Variants in DPYSL2 observed in about 807,000 individuals in gnomAD.
The protein encoded by DPYSL2 is dihydropyrimidinase like 2.
In DPYSL2, 13 loss-of-function variants were observed where a neutral mutation model predicts 69.9. The ratio of observed to expected loss-of-function variants is 0.19; its 90% CI spans 0.12 to 0.30. The LOEUF is 0.30. Among genes scored for constraint, DPYSL2 ranks in the 10% least tolerant of loss-of-function variants. The pLI is 1.00. For missense variants in DPYSL2, 587 were observed against 918.9 expected (o/e 0.64, Z 4.67); for synonymous variants, 326 against 359.1 (o/e 0.91, Z 1.04).
rs58234058 is a variant in DPYSL2 at position 26,626,920 on chromosome 8, G to A, written c.855+242G>A. On this transcript the variant is annotated intron_variant, in intron 5 of 13. Coordinates refer to ENST00000521913, the MANE Select transcript of DPYSL2 (RefSeq NM_001197293.3). This position sits in a 1 kb window ranked among gnomAD's most constrained non-coding sequence, Gnocchi z 4.3. ...TGCCCCGCACGGCGTGTGTGGGAGC[G>A]GCACTCAGAACCTCCTTAGCAAACC... Among the ~76,000 whole-genome samples the A allele has an allele frequency of 2.6e-5, 4 of 152,250 alleles. No individual in the cohort carries two copies. Among genetic ancestry groups the A allele is most frequent in the African/African-American group, 7.2e-5 (3 of 41,536 alleles).
At chr8:26,590,031 G>A (rs181596841) in intron 3 of DPYSL2, among the ~76,000 whole-genome samples, 1 of 152,344 alleles carries the variant, frequency 6.6e-6, no homozygotes, top group African/African-American at 2.4e-5. Context: ...GTTCATCCAT[G>A]TGGCATGTGG....
intron 3 of DPYSL2, among the ~76,000 whole-genome samples, chr8:26,611,668 T>C (rs1007344135): frequency 6.6e-6 from 1 of 152,242 alleles, no homozygotes; most frequent in Non-Finnish European, 1.5e-5. Context: ...GGAGAAATTC[T>C]GCATGGACCT....
At chr8:26,645,697 G>A (rs1803147893) in intron 10 of DPYSL2, among the ~76,000 whole-genome samples, 1 of 151,140 alleles carries the variant, frequency 6.6e-6, no homozygotes, top group Non-Finnish European at 1.5e-5. Flanking sequence ...TTACAGGCGT[G>A]TGCCACCACA....
chr8:26,632,119 G>A (rs1802789536), intron 7 of DPYSL2, among the ~76,000 whole-genome samples: 1 of 152,106 alleles, frequency 6.6e-6, no homozygotes, highest in Admixed American at 6.6e-5. Flanking sequence ...CCCACCATGT[G>A]AGACCACCCA....
chr8:26,601,038 T>C (rs1176355657), intron 3 of DPYSL2, among the ~76,000 whole-genome samples: 1 of 152,230 alleles, frequency 6.6e-6, no homozygotes, highest in Non-Finnish European at 1.5e-5. Flanking sequence ...AGCCATGATA[T>C]GGACCATCTC....
Position 26,583,908 on chromosome 8 carries a change from G to C in DPYSL2, c.553G>C (p.Asp185His), listed in dbSNP as rs1801541484. The change falls in exon 3 of 14, where the codon GAT (aspartate) becomes CAT (histidine). Residue 185 changes from aspartate to histidine, a missense_variant. Asp to His is a moderately conservative substitution (Grantham distance 81). This residue lies in a region of DPYSL2 where 452 missense variants were observed against 754.3 expected (regional missense o/e 0.60). Transcript: ENST00000521913. ...IDVHTRFQMP[D>H]QGMTSADDFF... ...CGTCCACACTCGTTTCCAGATGCCT[G>C]ATCAGGGAATGACGTCTGCTGATGA... The C allele has an allele frequency of 6.2e-7, 1 of 1,614,064 alleles. No individual in the cohort carries two copies. The highest frequency in any genetic ancestry group is 8.5e-7 in the Non-Finnish European group (1 of 1,180,038).
rs1226572789 is a variant in DPYSL2 at position 26,585,791 on chromosome 8, CACAG to C, written c.628+1813_628+1816del. ...AGACCCTGCAGGCCCCTGGATTGGT[CACAG>C]ACAGTCAATAAGCCATTAAAAACAA... is the stretch of plus-strand genomic sequence containing the variant. On this transcript the variant is annotated intron_variant, in intron 3 of 13. Coordinates refer to ENST00000521913, the MANE Select transcript of DPYSL2 (RefSeq NM_001197293.3). This position sits in a 1 kb window ranked among gnomAD's most constrained non-coding sequence, Gnocchi z 4.0. Among the ~76,000 whole-genome samples, 1 of 152,160 alleles carries C rather than the reference CACAG, an allele frequency of 6.6e-6. No homozygotes were observed. Among genetic ancestry groups the C allele is most frequent in the Non-Finnish European group, 1.5e-5 (1 of 68,044 alleles).
At chr8:26,612,373 T>G (rs1802250654) in intron 3 of DPYSL2, among the ~76,000 whole-genome samples, 1 of 152,168 alleles carries the variant, frequency 6.6e-6, no homozygotes, top group Non-Finnish European at 1.5e-5. Flanking sequence ...GGAAAGTTAT[T>G]TGCATGAATA....
Position 26,653,384 on chromosome 8 carries a change from A to T in DPYSL2, c.1929A>T (p.Gly643=). The change falls in exon 13 of 14, where the codon GGA becomes GGT. Residue 643 remains glycine (G), a synonymous_variant. Coordinates refer to ENST00000521913, the MANE Select transcript of DPYSL2 (RefSeq NM_001197293.3). This position sits in a 1 kb window ranked among gnomAD's most constrained non-coding sequence, Gnocchi z 5.7. ...CTGTCCGGAACCTGCACCAGTCTGG[A>T]TTCAGTTTGTCTGGTAGGGTTGGGG... ...APPVRNLHQS[G]FSLSGAQIDD... The T allele has an allele frequency of 6.2e-7, 1 of 1,613,524 alleles. No individual in the cohort carries two copies. The highest frequency in any genetic ancestry group is 8.5e-7 in the Non-Finnish European group (1 of 1,179,758).
In DPYSL2 at chr8:26,593,006, A is replaced by G. The variant is rs541576338; in HGVS notation, c.628+9023A>G. Among the ~76,000 whole-genome samples the G allele has an allele frequency of 6.6e-6, 1 of 152,222 alleles. No homozygotes were observed. Among genetic ancestry groups the G allele is most frequent in the South Asian group, 2.1e-4 (1 of 4,828 alleles). On this transcript the variant is annotated intron_variant, in intron 3 of 13. Coordinates refer to ENST00000521913, the MANE Select transcript of DPYSL2 (RefSeq NM_001197293.3). The surrounding 1 kb of genome is among the most constrained non-coding windows in gnomAD (Gnocchi z 5.7). ...CTCTCCGTGATTGTTGGGTGAAGCC[A>G]TTTGCTTAAATTCCTTGCTTTTAGA...
intron 10 of DPYSL2, among the ~76,000 whole-genome samples, chr8:26,646,570 C>G (rs1443409268): frequency 2.6e-5 from 4 of 152,002 alleles, no homozygotes; most frequent in African/African-American, 9.7e-5. Flanking sequence ...CTCTTAATAC[C>G]AGCTTATTTC....
intron 11 of DPYSL2, among the ~76,000 whole-genome samples, chr8:26,651,126 C>T (rs139662118): frequency 1.3e-5 from 2 of 152,314 alleles, no homozygotes; most frequent in African/African-American, 4.8e-5. Flanking sequence ...CCTGCTGGCG[C>T]CTCTCTGCTA....
chr8:26,546,441 C>A (rs1358009336), intron 1 of DPYSL2, among the ~76,000 whole-genome samples: 1 of 152,074 alleles, frequency 6.6e-6, no homozygotes, highest in Non-Finnish European at 1.5e-5. Context: ...CAACAAATAT[C>A]AAAAATATTA....
At chr8:26,655,059 A>G (rs1443231062) in intron 13 of DPYSL2, among the ~76,000 whole-genome samples, 1 of 151,180 alleles carries the variant, frequency 6.6e-6, no homozygotes, top group Non-Finnish European at 1.5e-5. Flanking sequence ...TGTTGCCCAG[A>G]CTGTTCTCAA....
intron 1 of DPYSL2, among the ~76,000 whole-genome samples, chr8:26,535,635 A>ATATTTT (rs1484035216): frequency 6.2e-5 from 9 of 145,924 alleles, no homozygotes; most frequent in African/African-American, 2.4e-4. Context: ...ATATATATAT[A>ATATTTT]TTTTTTTTTT....
Position 26,644,178 on chromosome 8 carries a change from A to G in DPYSL2, c.1425+87A>G. ...GGCCATGGGGCTCATGGAGGCCTTGAAATGACAGACAGTGGAGGACATCCT... is the reference window on the plus strand; with the variant it reads ...GGCCATGGGGCTCATGGAGGCCTTGGAATGACAGACAGTGGAGGACATCCT... On this transcript the variant is annotated intron_variant, in intron 10 of 13. Transcript: ENST00000521913. The surrounding 1 kb of genome is among the most constrained non-coding windows in gnomAD (Gnocchi z 4.5). 1 of 1,504,438 alleles carries G rather than the reference A, an allele frequency of 6.6e-7. No homozygotes were observed. The highest frequency in any genetic ancestry group is 2.1e-5 in the Admixed American group (1 of 47,074). The allele number at this position is 1,504,438 out of a possible 1,614,324, so 93.2% of individuals were successfully genotyped here. A position where few individuals can be genotyped will look rare whatever the true frequency, so the allele number is the denominator to read the frequency against.
At chr8:26,612,529 G>A (rs75037015) in intron 3 of DPYSL2, among the ~76,000 whole-genome samples, 6,471 of 152,290 alleles carry the variant, frequency 0.042, 151 homozygotes, top group South Asian at 0.11. Context: ...CTAAGATAAT[G>A]TGGTATTAAG....
rs1803105260 is a variant in DPYSL2 at position 26,643,851 on chromosome 8, G to T, written c.1284-99G>T. 3.4e-6 allele frequency: 5 copies of T among 1,466,078 alleles called. No individual in the cohort carries two copies. The African/African-American group carries it at 5.6e-5, about 16-fold the overall frequency. 90.8% of individuals were successfully genotyped at this position (1,466,078 alleles called of 1,614,324 possible). A position where few individuals can be genotyped will look rare whatever the true frequency, so the allele number is the denominator to read the frequency against. On this transcript the variant is annotated intron_variant, in intron 9 of 13. Transcript: ENST00000521913. The surrounding 1 kb of genome is among the most constrained non-coding windows in gnomAD (Gnocchi z 6.5). ...GGAGGCGTCAAAAGGACTCCACTTG[G>T]GTTGGTGTGATGCCATTCATGAGAC...
chr8:26,589,528 T>C (rs1801676228), intron 3 of DPYSL2, among the ~76,000 whole-genome samples: 1 of 152,336 alleles, frequency 6.6e-6, no homozygotes, highest in South Asian at 2.1e-4. Context: ...CCAAGAGACT[T>C]AGTGTCACAA....
Sources: allele counts gnomAD v4.1 joint callset (sites outside exome capture counted in the v4.1 genomes callset), GRCh38; gene constraint gnomAD v4.1.1; regional missense constraint gnomAD v4.1.1; non-coding constraint Gnocchi (gnomAD v3.1); transcripts MANE v1.5; gene names NCBI Gene and HGNC (gene_info 2026-07-23, HGNC 2026-07-21).